The following MECOM variants were observed in gnomAD, a reference collection of about 807,000 sequenced individuals.
MECOM encodes MDS1 and EVI1 complex locus, also known as histone-lysine N-methyltransferase MECOM.
A neutral mutation model predicts 116.3 loss-of-function variants in MECOM; 13 were observed. The ratio of observed to expected loss-of-function variants is 0.11; its 90% CI spans 0.07 to 0.18. The LOEUF is 0.18. MECOM is among the 10% of genes least tolerant of loss of function. The pLI is 1.00. For synonymous variants in MECOM, 528 were observed against 535.2 expected (o/e 0.99, Z 0.19); for missense variants, 1,299 against 1,509.0 (o/e 0.86, Z 2.31).
At chr3:169,294,685 C>T (rs1032202010) in intron 2 of MECOM, among the ~76,000 whole-genome samples, 1 of 152,184 alleles carries the variant, frequency 6.6e-6, no homozygotes, top group East Asian at 1.9e-4. Flanking sequence ...CCAGCCCCAG[C>T]TCTAAGGAGC....
At chr3:169,537,966 CTTCACATTTGCA>C (rs1322607894) in intron 1 of MECOM, among the ~76,000 whole-genome samples, 1 of 152,120 alleles carries the variant, frequency 6.6e-6, no homozygotes, top group African/African-American at 2.4e-5. Flanking sequence ...GAGGCTCTGG[CTTCACATTTGCA>C]TTATCTGAGG....
chr3:169,387,903 C>T (rs1257535601), intron 1 of MECOM, among the ~76,000 whole-genome samples: 1 of 152,092 alleles, frequency 6.6e-6, no homozygotes, highest in South Asian at 2.1e-4. Flanking sequence ...GAAATTTAGA[C>T]ATTTCCCCCC....
rs368326722 is a variant in MECOM, at chr3:169,143,741, C to T, written c.467G>A (p.Cys156Tyr). 1 of 1,611,604 alleles carries T rather than the reference C, an allele frequency of 6.2e-7. No homozygotes were observed. Among genetic ancestry groups the T allele is most frequent in the African/African-American group, 1.3e-5 (1 of 74,934 alleles). The part of the protein sequence containing the change: ...SWLKYIRFAG[C>Y]YDQHNLVACQ... ...TGCAACAAGGTTGTGCTGATCATAA[C>T]AGCCAGCGAATCTAATGTACTTGAG... is the stretch of plus-strand genomic sequence containing the variant. Residue 156 changes from cysteine to tyrosine, a missense_variant, in exon 3 of 17, where the codon TGT becomes TAT. By Grantham distance (194) the Cys-to-Tyr change is radical. Transcript: ENST00000651503.
chr3:169,128,148 T>C (rs1353733406), intron 4 of MECOM, 88 bp from the exon 5 acceptor site: 4 of 1,077,534 alleles, frequency 3.7e-6, no homozygotes, highest in Non-Finnish European at 5.7e-6. Flanking sequence ...CAAGACATAA[T>C]AGGTATTATT....
chr3:169,616,395 G>A (rs1770009205), intron 1 of MECOM, among the ~76,000 whole-genome samples: 1 of 152,160 alleles, frequency 6.6e-6, no homozygotes, highest in Non-Finnish European at 1.5e-5. Context: ...GCCCAGGCTG[G>A]AGTACAGTGG....
In MECOM at chr3:169,462,348, G is replaced by T. The variant is rs145339462; in HGVS notation, c.38-80824C>A. Reference sequence around the variant, plus strand: ...ACACATGCTGAATGATGGGCTTAATGTCAGACAGCCAGATGTTTTTACTTA... The same window carrying T: ...ACACATGCTGAATGATGGGCTTAATTTCAGACAGCCAGATGTTTTTACTTA... On this transcript the variant is annotated intron_variant, in intron 1 of 16. Coordinates refer to ENST00000651503, the MANE Select transcript of MECOM (RefSeq NM_004991.4). Among the ~76,000 whole-genome samples, 237 of 152,308 alleles carry T rather than the reference G, an allele frequency of 1.6e-3. 1 individual carries two copies. The highest frequency in any genetic ancestry group is 5.5e-3 in the African/African-American group (228 of 41,568).
intron 2 of MECOM, among the ~76,000 whole-genome samples, chr3:169,172,912 T>C (rs1744648474): frequency 6.6e-6 from 1 of 152,124 alleles, no homozygotes; most frequent in Admixed American, 6.5e-5. Context: ...GAAAATCAAA[T>C]GACACTGGAA....
chr3:169,217,732 TGA>T (rs1250142767), intron 2 of MECOM, among the ~76,000 whole-genome samples: 4 of 151,800 alleles, frequency 2.6e-5, no homozygotes, highest in Admixed American at 6.6e-5. Context: ...TGCAGTGAGC[TGA>T]GATCACACCA....
intron 1 of MECOM, among the ~76,000 whole-genome samples, chr3:169,614,597 C>T (rs1012582903): frequency 6.6e-6 from 1 of 152,028 alleles, no homozygotes; most frequent in Non-Finnish European, 1.5e-5. Flanking sequence ...GTTCAAGAAC[C>T]TATCACTACT....
At chr3:169,516,008 A>G (rs1424087027) in intron 1 of MECOM, among the ~76,000 whole-genome samples, 1 of 152,188 alleles carries the variant, frequency 6.6e-6, no homozygotes, top group Non-Finnish European at 1.5e-5. Flanking sequence ...AAAATAATTC[A>G]GGCATCTCAA....
rs1398331069 is a variant in MECOM at position 169,093,005 on chromosome 3, A to G, written c.3117T>C (p.Ile1039=). The G allele has an allele frequency of 1.2e-6, 2 of 1,613,814 alleles. No homozygotes were observed. The highest frequency in any genetic ancestry group is 2.7e-5 in the African/African-American group (2 of 75,026). The change falls in exon 14 of 17, where the codon ATT becomes ATC. Residue 1039 remains isoleucine, a synonymous_variant. Transcript: ENST00000651503. ...ATTGGCTGCCATGGTTGCTGTTCCCAATGAAATTTCGAATTTCTGTGAAGT... is the reference window on the plus strand; with the variant it reads ...ATTGGCTGCCATGGTTGCTGTTCCCGATGAAATTTCGAATTTCTGTGAAGT... ...DAYFTEIRNF[I]GNSNHGSQSP...
chr3:169,186,893 T>A (rs1454003144), intron 2 of MECOM, among the ~76,000 whole-genome samples: 3 of 152,076 alleles, frequency 2.0e-5, no homozygotes, highest in Non-Finnish European at 4.4e-5. Context: ...GTAAATAGGG[T>A]TTCATTTACA....
chr3:169,472,322 G>T (rs1749399938), intron 1 of MECOM, among the ~76,000 whole-genome samples: 1 of 149,288 alleles, frequency 6.7e-6, no homozygotes, highest in African/African-American at 2.5e-5. Flanking sequence ...TGAGGCAGGA[G>T]GTTCACTTGA....
At chr3:169,166,398 T>C (rs1312093448) in intron 2 of MECOM, among the ~76,000 whole-genome samples, 4 of 152,178 alleles carry the variant, frequency 2.6e-5, no homozygotes, top group African/African-American at 4.8e-5. Flanking sequence ...TATCACTCTT[T>C]TAACGTCACT....
intron 2 of MECOM, among the ~76,000 whole-genome samples, chr3:169,289,110 GTTGAA>G (rs1310103891): frequency 9.9e-5 from 15 of 152,220 alleles, no homozygotes; most frequent in African/African-American, 3.6e-4. Context: ...ATAAAAGTTA[GTTGAA>G]TTGAATACCT....
intron 2 of MECOM, among the ~76,000 whole-genome samples, chr3:169,252,624 A>C (rs957544627): frequency 6.6e-6 from 1 of 152,116 alleles, no homozygotes; most frequent in South Asian, 2.1e-4. Flanking sequence ...TTGTTTCATT[A>C]GTAAAAGTCT....
At chr3:169,382,344 G>A (rs949807776) in intron 1 of MECOM, among the ~76,000 whole-genome samples, 2 of 152,086 alleles carry the variant, frequency 1.3e-5, no homozygotes, top group Non-Finnish European at 2.9e-5. Flanking sequence ...AGCACCTGGG[G>A]AGGTGGCAAG....
intron 2 of MECOM, among the ~76,000 whole-genome samples, chr3:169,341,137 C>G (rs1168456288): frequency 6.6e-6 from 1 of 152,030 alleles, no homozygotes; most frequent in Admixed American, 6.6e-5. Flanking sequence ...ATCTTAAAGT[C>G]CCACTTTTAA....
At chr3:169,331,847 T>C (rs554429624) in intron 2 of MECOM, among the ~76,000 whole-genome samples, 14 of 152,080 alleles carry the variant, frequency 9.2e-5, no homozygotes, top group Non-Finnish European at 1.9e-4. Flanking sequence ...TGGAATTCCT[T>C]TTCTGTAATC....
Sources: gnomAD v4.1 joint callset for allele counts (sites outside exome capture counted in the v4.1 genomes callset) on GRCh38, gnomAD v4.1.1 for gene constraint, MANE v1.5 for transcripts, NCBI Gene and HGNC (gene_info 2026-07-23, HGNC 2026-07-21) for gene names.